Variants in NGEF observed in about 807,000 individuals in gnomAD.
NGEF encodes the protein neuronal guanine nucleotide exchange factor, also known as ephexin-1.
NGEF carries 31 observed loss-of-function variants against 80.9 expected under a neutral mutation model. That is an observed-to-expected ratio of 0.38 (90% CI 0.29 to 0.52). NGEF has a LOEUF of 0.52. Among genes scored for constraint, NGEF ranks in the 20% least tolerant of loss-of-function variants. NGEF has a pLI of 0.84. For missense variants in NGEF, 709 were observed against 926.2 expected, an observed-to-expected ratio of 0.77 and a Z score of 3.04; for synonymous variants, 371 against 370.2, an observed-to-expected ratio of 1.00 and a Z score of -0.03.
At chr2:232,881,125 G>T in intron 14 of NGEF, 21 bp downstream of exon 14, 2 of 1,607,068 alleles carry the variant, frequency 1.2e-6, no homozygotes, top group Non-Finnish European at 8.5e-7. Context: ...GGGGCCCCGA[G>T]GGGAGGTCCC....
chr2:232,954,553 G>T (rs571790304), intron 3 of NGEF, among the ~76,000 whole-genome samples: 165 of 151,874 alleles, frequency 1.1e-3, no homozygotes, highest in Non-Finnish European at 1.9e-3. Flanking sequence ...GTGAAACGCC[G>T]TCTCTACTAA....
rs191599853 is a variant in NGEF, at chr2:232,911,569, C to T, written c.828+8715G>A. Among the ~76,000 whole-genome samples, 36 of 152,232 alleles carry T rather than the reference C, an allele frequency of 2.4e-4. 1 individual carries two copies. The highest frequency in any genetic ancestry group is 2.3e-3 in the Admixed American group (35 of 15,284). On this transcript the variant is annotated intron_variant, in intron 5 of 14. Transcript: ENST00000264051. The stretch of plus-strand genomic sequence containing the variant: ...AATGCTGGGATTTTGACTGGAGTCG[C>T]ATGGAATGTATAGATAAATATGGGA...
chr2:232,939,911 C>T (rs1329441050), intron 3 of NGEF, among the ~76,000 whole-genome samples: 5 of 151,894 alleles, frequency 3.3e-5, no homozygotes, highest in East Asian at 1.9e-4. Flanking sequence ...GCAGGAGAAT[C>T]GCTTGAACCT....
intron 8 of NGEF, among the ~76,000 whole-genome samples, chr2:232,889,347 T>C (rs965685741): frequency 1.3e-5 from 2 of 152,170 alleles, no homozygotes; most frequent in Non-Finnish European, 2.9e-5. Context: ...CCACTCGGTG[T>C]GTCCCCAGCA....
chr2:232,951,817 G>A (rs1693684994), intron 3 of NGEF, among the ~76,000 whole-genome samples: 1 of 152,168 alleles, frequency 6.6e-6, no homozygotes, highest in East Asian at 1.9e-4. Flanking sequence ...ACTGCATGCA[G>A]AATGACATGC....
chr2:232,984,550 G>T (rs1035661428), intron 1 of NGEF, among the ~76,000 whole-genome samples: 1 of 152,198 alleles, frequency 6.6e-6, no homozygotes, highest in Non-Finnish European at 1.5e-5. Context: ...GGCAGAGCCA[G>T]AGGGGAAAGA....
chr2:232,998,104 G>A (rs1694892978), intron 1 of NGEF, among the ~76,000 whole-genome samples: 1 of 152,134 alleles, frequency 6.6e-6, no homozygotes, highest in South Asian at 2.1e-4. Context: ...TCCTGGAGAG[G>A]AACTGCCCTG....
intron 3 of NGEF, among the ~76,000 whole-genome samples, chr2:232,940,407 G>A (rs1275981030): frequency 3.9e-5 from 6 of 152,204 alleles, no homozygotes; most frequent in Non-Finnish European, 8.8e-5. Flanking sequence ...AGTGTGAATG[G>A]ATACAACCTT....
intron 3 of NGEF, among the ~76,000 whole-genome samples, chr2:232,939,345 T>C (rs1693394549): frequency 6.6e-6 from 1 of 152,014 alleles, no homozygotes; most frequent in Admixed American, 6.6e-5. Flanking sequence ...ATGAAACAAA[T>C]AGAAAGTGAT....
chr2:232,915,081 C>A (rs1342233304), intron 5 of NGEF, among the ~76,000 whole-genome samples: 1 of 151,958 alleles, frequency 6.6e-6, no homozygotes, highest in Non-Finnish European at 1.5e-5. Flanking sequence ...GGCTCTGCTG[C>A]AGGCCAGCCT....
chr2:232,905,817 C>T, intron 5 of NGEF: 1 of 298,402 alleles, frequency 3.4e-6, no homozygotes. Context: ...AGTGAGGAGC[C>T]CCTCCGCCCG....
At chr2:232,992,062 A>G (rs925831155) in intron 1 of NGEF, among the ~76,000 whole-genome samples, 9 of 152,198 alleles carry the variant, frequency 5.9e-5, no homozygotes, top group Non-Finnish European at 1.2e-4. Context: ...CTCACATCAT[A>G]TACAAAGATT....
intron 1 of NGEF, among the ~76,000 whole-genome samples, chr2:233,005,134 TAGCATGGATC>T (rs1695059514): frequency 6.6e-6 from 1 of 152,158 alleles, no homozygotes; most frequent in African/African-American, 2.4e-5. Context: ...GGGCAACCAT[TAGCATGGATC>T]AGCACCAACA....
At chr2:232,996,458 A>T (rs1331483938) in intron 1 of NGEF, among the ~76,000 whole-genome samples, 2 of 152,202 alleles carry the variant, frequency 1.3e-5, no homozygotes, top group Non-Finnish European at 2.9e-5. Context: ...GAGCGCAGTG[A>T]TTCTCACATG....
At position 232,904,052 on chromosome 2, in the gene NGEF, T is replaced by A. The variant is rs377163846; in HGVS notation, c.829-9136A>T. Among the ~76,000 whole-genome samples, 28 of 152,272 alleles carry A rather than the reference T, an allele frequency of 1.8e-4. No individual in the cohort carries two copies. In the East Asian group the frequency reaches 5.4e-3, roughly 29 times the overall value. Reference sequence around the variant, plus strand: ...CCAGGCAACACAGCAAGACCCAGCATCTACCGAAAGAAAAGACAATTCGCC... The same window carrying A: ...CCAGGCAACACAGCAAGACCCAGCAACTACCGAAAGAAAAGACAATTCGCC... On this transcript the variant is annotated intron_variant, in intron 5 of 14. Coordinates refer to ENST00000264051, the MANE Select transcript of NGEF (RefSeq NM_019850.3).
At chr2:232,906,433 G>A (rs1162766779) in intron 5 of NGEF, among the ~76,000 whole-genome samples, 3 of 106,282 alleles carry the variant, frequency 2.8e-5, no homozygotes, top group Admixed American at 1.0e-4. Flanking sequence ...CACCCCGTCT[G>A]GGAGGTGAGG....
intron 13 of NGEF, among the ~76,000 whole-genome samples, chr2:232,881,979 C>A (rs1164587849): frequency 6.6e-6 from 1 of 152,230 alleles, no homozygotes; most frequent in South Asian, 2.1e-4. Flanking sequence ...ACTTAAGGCC[C>A]ATCCAGCATT....
At chr2:232,966,297 G>A (rs1475290210) in intron 3 of NGEF, among the ~76,000 whole-genome samples, 1 of 152,192 alleles carries the variant, frequency 6.6e-6, no homozygotes, top group East Asian at 1.9e-4. Context: ...ACTCCAGCAG[G>A]AAGTGCTCTT....
At chr2:232,926,321 G>T (rs761903662) in intron 4 of NGEF, among the ~76,000 whole-genome samples, 14 of 144,540 alleles carry the variant, frequency 9.7e-5, no homozygotes, top group Non-Finnish European at 1.8e-4. Flanking sequence ...ATGAGAACTA[G>T]CTTGATGTCA....
Sources: gnomAD v4.1 joint callset for allele counts (sites outside exome capture counted in the v4.1 genomes callset) on GRCh38, gnomAD v4.1.1 for gene constraint, MANE v1.5 for transcripts, NCBI Gene and HGNC (gene_info 2026-07-23, HGNC 2026-07-21) for gene names.